EPHA6: variants seen among roughly 807,000 people sequenced by gnomAD.
EPHA6 encodes the protein EPH receptor A6.
Under a neutral mutation model 112.0 loss-of-function variants are expected in EPHA6, and 50 were observed. The observed-to-expected ratio is 0.45, with a 90% CI of 0.36 to 0.56. The LOEUF (loss-of-function observed/expected upper bound fraction) is 0.56, where lower values mean the gene tolerates loss of function less well. Among genes scored for constraint, EPHA6 ranks in the 20% least tolerant of loss-of-function variants. EPHA6 has a pLI of 0.00. For missense variants in EPHA6, 1,280 were observed against 1,417.4 expected, an observed-to-expected ratio of 0.90 and a Z score of 1.56; for synonymous variants, 529 against 490.7, an observed-to-expected ratio of 1.08 and a Z score of -1.03.
At chr3:97,279,257 T>C (rs1576831853) in intron 5 of EPHA6, among the ~76,000 whole-genome samples, 2 of 152,138 alleles carry the variant, frequency 1.3e-5, no homozygotes, top group African/African-American at 4.8e-5. Flanking sequence ...TCTATTGATA[T>C]TAAAAAATTA....
At chr3:97,705,805 T>C (rs2033647864) in intron 14 of EPHA6, among the ~76,000 whole-genome samples, 1 of 152,234 alleles carries the variant, frequency 6.6e-6, no homozygotes, top group African/African-American at 2.4e-5. Context: ...TCTTTTATTT[T>C]AAATCATCTT....
intron 5 of EPHA6, among the ~76,000 whole-genome samples, chr3:97,267,491 A>C (rs908037224): frequency 1.3e-5 from 2 of 152,192 alleles, no homozygotes; most frequent in Middle Eastern, 3.2e-3. Context: ...CTGAGGGTGC[A>C]GTATGTGTCA....
At chr3:96,995,160 C>G (rs954996032) in intron 3 of EPHA6, among the ~76,000 whole-genome samples, 1 of 151,970 alleles carries the variant, frequency 6.6e-6, no homozygotes, top group African/African-American at 2.4e-5. Context: ...CAATCCTCTG[C>G]TGCAGTTCAG....
intron 6 of EPHA6, among the ~76,000 whole-genome samples, chr3:97,408,935 G>T (rs1377572809): frequency 2.6e-5 from 4 of 152,042 alleles, no homozygotes; most frequent in Non-Finnish European, 4.4e-5. Flanking sequence ...TCCCCCAGTA[G>T]TTTATGAGTC....
intron 11 of EPHA6, among the ~76,000 whole-genome samples, chr3:97,567,525 A>T (rs963885155): frequency 6.6e-6 from 1 of 152,190 alleles, no homozygotes; most frequent in Non-Finnish European, 1.5e-5. Flanking sequence ...AGTTATGTTG[A>T]TGTCCTCCCC....
chr3:97,270,986 AAGTATAT>A (rs1179937383), intron 5 of EPHA6, among the ~76,000 whole-genome samples: 1 of 152,204 alleles, frequency 6.6e-6, no homozygotes, highest in East Asian at 1.9e-4. Context: ...TGAGGAAAAG[AAGTATAT>A]AGCCCTTCCA....
intron 2 of EPHA6, among the ~76,000 whole-genome samples, chr3:96,916,846 A>T (rs1169577358): frequency 1.3e-5 from 2 of 152,162 alleles, no homozygotes; most frequent in Admixed American, 6.5e-5. Context: ...AATGGCAAAG[A>T]CCTAATTTGA....
At chr3:97,178,245 T>C (rs2076891762) in intron 3 of EPHA6, among the ~76,000 whole-genome samples, 1 of 152,102 alleles carries the variant, frequency 6.6e-6, no homozygotes. Context: ...ATGCCTTAAC[T>C]TTTATCACAC....
intron 5 of EPHA6, among the ~76,000 whole-genome samples, chr3:97,311,397 A>C (rs994039295): frequency 6.6e-6 from 1 of 151,180 alleles, no homozygotes; most frequent in African/African-American, 2.4e-5. Context: ...TTGACCATAC[A>C]CAGCCTCTTG....
At chr3:97,096,670 A>G (rs996139243) in intron 3 of EPHA6, among the ~76,000 whole-genome samples, 1 of 151,940 alleles carries the variant, frequency 6.6e-6, no homozygotes, top group Non-Finnish European at 1.5e-5. Context: ...AGCTAAAATC[A>G]TTGGTAAACT....
At chr3:97,242,691 C>A (rs2078881684) in intron 4 of EPHA6, among the ~76,000 whole-genome samples, 1 of 151,742 alleles carries the variant, frequency 6.6e-6, no homozygotes, top group South Asian at 2.1e-4. Context: ...AGCTTGAAAT[C>A]CAAAAGGAGC....
intron 6 of EPHA6, among the ~76,000 whole-genome samples, chr3:97,405,741 G>A (rs1245497516): frequency 6.6e-6 from 1 of 151,968 alleles, no homozygotes; most frequent in African/African-American, 2.4e-5. Flanking sequence ...AATAGAAATA[G>A]CATATAAATG....
intron 7 of EPHA6, among the ~76,000 whole-genome samples, chr3:97,458,658 TGTTACATAA>T (rs2107371020): frequency 6.6e-6 from 1 of 152,292 alleles, no homozygotes; most frequent in African/African-American, 2.4e-5. Context: ...TTTTAAATAT[TGTTACATAA>T]GTTGTTACCC....
chr3:97,243,219 G>A (rs568561080), intron 4 of EPHA6, among the ~76,000 whole-genome samples: 29 of 151,876 alleles, frequency 1.9e-4, no homozygotes, highest in African/African-American at 4.1e-4. Context: ...TTAGGCCCAC[G>A]CTTAGTTTAA....
At chr3:97,186,858 C>A (rs1025872252) in intron 3 of EPHA6, among the ~76,000 whole-genome samples, 8 of 152,072 alleles carry the variant, frequency 5.3e-5, no homozygotes, top group Non-Finnish European at 7.4e-5. Flanking sequence ...ACTCTTTTCA[C>A]CTGTAACTAC....
intron 13 of EPHA6, among the ~76,000 whole-genome samples, chr3:97,632,535 A>T (rs1435788110): frequency 1.3e-5 from 2 of 152,016 alleles, no homozygotes; most frequent in African/African-American, 4.8e-5. Context: ...AATTACAGTA[A>T]CTGGCCCATA....
chr3:97,576,151 A>C (rs1314197904), intron 11 of EPHA6, among the ~76,000 whole-genome samples: 5 of 152,106 alleles, frequency 3.3e-5, no homozygotes, highest in Non-Finnish European at 7.4e-5. Context: ...GTTATCTCAA[A>C]ATTTTTCTGT....
At chr3:97,737,042 C>G (rs1003110886) in intron 16 of EPHA6, among the ~76,000 whole-genome samples, 16 of 152,070 alleles carry the variant, frequency 1.1e-4, no homozygotes, top group Admixed American at 8.5e-4. Flanking sequence ...CAGTTCACAG[C>G]AGAGCACTTA....
At chr3:96,942,950 ACTTATTC>A (rs1182383559) in intron 2 of EPHA6, among the ~76,000 whole-genome samples, 2 of 152,068 alleles carry the variant, frequency 1.3e-5, no homozygotes, top group Non-Finnish European at 2.9e-5. Context: ...GCACACCAGA[ACTTATTC>A]CTCCTATCTA....
Sources: allele counts gnomAD v4.1 joint callset (sites outside exome capture counted in the v4.1 genomes callset), GRCh38; gene constraint gnomAD v4.1.1; transcripts MANE v1.5; gene names NCBI Gene and HGNC (gene_info 2026-07-23, HGNC 2026-07-21).